Variants in SCN1A observed in about 807,000 individuals in gnomAD.
SCN1A encodes the protein sodium channel protein type 1 subunit alpha.
A neutral mutation model predicts 193.7 loss-of-function variants in SCN1A; 13 were observed. The ratio of observed to expected loss-of-function variants is 0.07; its 90% CI spans 0.04 to 0.11. SCN1A has a LOEUF of 0.11. Among genes scored for constraint, SCN1A ranks in the 10% least tolerant of loss-of-function variants. The pLI is 1.00. For missense variants in SCN1A, 1,432 were observed against 2,451.1 expected (o/e 0.58, Z 8.78); for synonymous variants, 781 against 843.6 (o/e 0.93, Z 1.29).
At chr2:166,036,555 A>G in intron 18 of SCN1A, 25 bp from the exon 19 acceptor site, 1 of 1,609,292 alleles carries the variant, frequency 6.2e-7, no homozygotes, top group Non-Finnish European at 8.5e-7. Flanking sequence ...AAACATGATT[A>G]TAATTTTACA....
At chr2:166,034,438 GAT>G (rs1442593252) in intron 19 of SCN1A, among the ~76,000 whole-genome samples, 1 of 152,164 alleles carries the variant, frequency 6.6e-6, no homozygotes, top group Non-Finnish European at 1.5e-5. Flanking sequence ...TGGACATGAT[GAT>G]ATCTAATAGA....
chr2:166,081,484 A>G (rs1685519644), intron 2 of SCN1A: 1 of 151,868 alleles, frequency 6.6e-6, no homozygotes, highest in Admixed American at 6.6e-5. Flanking sequence ...GCTTTCACAC[A>G]AAGCTATACT....
intron 5 of SCN1A, among the ~76,000 whole-genome samples, chr2:166,058,292 A>G (rs907405401): frequency 1.3e-5 from 2 of 152,048 alleles, no homozygotes; most frequent in Non-Finnish European, 2.9e-5. Context: ...CTTACTTTAG[A>G]TTTGTAGGAT....
chr2:166,013,669 A>G (rs892953561), intron 21 of SCN1A, 75 bp downstream of exon 21: 8 of 1,364,038 alleles, frequency 5.9e-6, no homozygotes, highest in Non-Finnish European at 7.3e-6. Context: ...ACAATGAAAC[A>G]AAGGATTAAT....
chr2:166,048,158 T>C (rs1257319301), intron 10 of SCN1A, among the ~76,000 whole-genome samples: 1 of 152,146 alleles, frequency 6.6e-6, no homozygotes, highest in Non-Finnish European at 1.5e-5. Flanking sequence ...GTATGTTTGC[T>C]GTTATATACA....
At chr2:166,019,002 C>T (rs1475998615) in intron 19 of SCN1A, among the ~76,000 whole-genome samples, 1 of 152,014 alleles carries the variant, frequency 6.6e-6, no homozygotes, top group Non-Finnish European at 1.5e-5. Context: ...TTCTGAATAA[C>T]TTTGCTATTT....
At chr2:166,013,173 G>T (rs1692768919) in intron 21 of SCN1A, among the ~76,000 whole-genome samples, 1 of 151,394 alleles carries the variant, frequency 6.6e-6, no homozygotes, top group Admixed American at 6.6e-5. Flanking sequence ...TGATTCTGAT[G>T]AAGTGAACAC....
chr2:166,063,907 A>T (rs1841549), intron 4 of SCN1A, among the ~76,000 whole-genome samples: 1 of 151,960 alleles, frequency 6.6e-6, no homozygotes, highest in South Asian at 2.1e-4. Flanking sequence ...CACAAGGCTA[A>T]TTAATCTCTG....
At chr2:166,146,801 A>G (rs1366670296) in intron 1 of SCN1A, among the ~76,000 whole-genome samples, 1 of 152,220 alleles carries the variant, frequency 6.6e-6, no homozygotes, top group Non-Finnish European at 1.5e-5. Flanking sequence ...TAAAGTTCTA[A>G]AATGGAACTG....
intron 14 of SCN1A, 85 bp downstream of exon 14, chr2:166,043,583 AT>A: frequency 7.0e-7 from 1 of 1,434,320 alleles, no homozygotes; most frequent in Non-Finnish European, 9.4e-7. Context: ...ACCAGGAATC[AT>A]TCTCAAGGTT....
chr2:166,091,556 C>T (rs1359752726), intron 2 of SCN1A, among the ~76,000 whole-genome samples: 1 of 152,116 alleles, frequency 6.6e-6, no homozygotes, highest in African/African-American at 2.4e-5. Flanking sequence ...GGGTAAAGGA[C>T]ATGAACCAAG....
chr2:166,144,787 C>G (rs1692236057), intron 1 of SCN1A, among the ~76,000 whole-genome samples: 1 of 151,724 alleles, frequency 6.6e-6, no homozygotes, highest in Non-Finnish European at 1.5e-5. Flanking sequence ...TATTTTCTCA[C>G]TGCAAAATGA....
chr2:166,100,410 C>A (rs1427481098), intron 2 of SCN1A, among the ~76,000 whole-genome samples: 2 of 150,104 alleles, frequency 1.3e-5, no homozygotes, highest in African/African-American at 2.5e-5. Flanking sequence ...CATAAAAACC[C>A]TAGAAGAAAA....
At chr2:166,025,116 CAT>C (rs151071889) in intron 19 of SCN1A, among the ~76,000 whole-genome samples, 18,577 of 151,998 alleles carry the variant, frequency 0.12, 1,318 homozygotes, top group East Asian at 0.27. Flanking sequence ...TCTTAACATA[CAT>C]TCACCAACTC....
intron 13 of SCN1A, 68 bp from the exon 14 acceptor site, chr2:166,044,117 G>T (rs1218962905): frequency 1.3e-6 from 2 of 1,544,140 alleles, no homozygotes; most frequent in Non-Finnish European, 1.8e-6. Context: ...ATTTCATTTT[G>T]CAAGATTATG....
chr2:166,104,846 T>C (rs894743017), intron 2 of SCN1A, among the ~76,000 whole-genome samples: 1 of 152,262 alleles, frequency 6.6e-6, no homozygotes, highest in African/African-American at 2.4e-5. Context: ...TAGAGCCGAT[T>C]TGGCTACTTT....
chr2:166,133,362 GA>G (rs2106290060), intron 1 of SCN1A, among the ~76,000 whole-genome samples: 1 of 152,248 alleles, frequency 6.6e-6, no homozygotes, highest in African/African-American at 2.4e-5. Context: ...GTTGGAGAGG[GA>G]AATAACAATA....
chr2:166,077,519 G>A (rs763176034), intron 3 of SCN1A, among the ~76,000 whole-genome samples, 191 bp downstream of exon 3: 1 of 151,776 alleles, frequency 6.6e-6, no homozygotes, highest in African/African-American at 2.4e-5. Flanking sequence ...CAATAAGATA[G>A]CACTACACCC....
chr2:166,092,788 T>A (rs1686955904), intron 2 of SCN1A: 1 of 152,220 alleles, frequency 6.6e-6, no homozygotes, highest in South Asian at 2.1e-4. Context: ...TTAACAAAAC[T>A]GTGATATTAA....
Sources: gnomAD v4.1 joint callset for allele counts (sites outside exome capture counted in the v4.1 genomes callset) on GRCh38, gnomAD v4.1.1 for gene constraint, MANE v1.5 for transcripts, NCBI Gene and HGNC (gene_info 2026-07-23, HGNC 2026-07-21) for gene names.